Variants in MAST4 observed in about 807,000 individuals in gnomAD.
The protein encoded by MAST4 is microtubule associated serine/threonine kinase family member 4.
Under a neutral mutation model 162.7 loss-of-function variants are expected in MAST4, and 89 were observed. The ratio of observed to expected loss-of-function variants is 0.55; its 90% confidence interval spans 0.46 to 0.65. MAST4 has a LOEUF of 0.65. Among genes scored for constraint, MAST4 ranks in the 30% least tolerant of loss-of-function variants. MAST4 has a pLI of 0.00. For synonymous variants in MAST4, 1,479 were observed against 1,361.1 expected (o/e 1.09, Z -1.91); for missense variants, 3,153 against 3,374.0 (o/e 0.93, Z 1.62).
At position 66,596,999 on chromosome 5, in the gene MAST4, A is replaced by T; in HGVS notation, c.344A>T (p.Gln115Leu). Residue 115 changes from glutamine (Q) to leucine (L), a missense_variant, in exon 1 of 29, where the codon CAG becomes CTG. Transcript: ENST00000403625. ...PPAPRGSSAS[Q>L]EEQDEELDHI... is the part of the protein sequence containing the mutation. Reference sequence around the variant, plus strand: ...GCGCCCCGGGGCAGCAGCGCGTCCCAGGAGGAGCAGGACGAGGAGGTGGGC... The same window carrying T: ...GCGCCCCGGGGCAGCAGCGCGTCCCTGGAGGAGCAGGACGAGGAGGTGGGC... 6.9e-7 allele frequency: 1 copy of T among 1,449,054 alleles called. No homozygotes were observed. Among genetic ancestry groups the T allele is most frequent in the Non-Finnish European group, 9.0e-7 (1 of 1,107,108 alleles). The allele number at this position is 1,449,054 out of a possible 1,614,324, so 89.8% of individuals were successfully genotyped here.
intron 3 of MAST4, among the ~76,000 whole-genome samples, chr5:66,800,259 A>G (rs965424584): frequency 2.0e-5 from 3 of 152,204 alleles, no homozygotes; most frequent in African/African-American, 7.2e-5. Flanking sequence ...AGAGTTTAAG[A>G]GATGATGCCT....
At chr5:67,137,290 C>G (rs576566283) in intron 19 of MAST4, among the ~76,000 whole-genome samples, 1 of 152,268 alleles carries the variant, frequency 6.6e-6, no homozygotes, top group South Asian at 2.1e-4. Flanking sequence ...ACTGTTCTGC[C>G]AGTATTTTAT....
chr5:67,056,279 T>C (rs1343704412), intron 5 of MAST4, among the ~76,000 whole-genome samples: 1 of 152,076 alleles, frequency 6.6e-6, no homozygotes, highest in Non-Finnish European at 1.5e-5. Context: ...TTTGTGAGAT[T>C]GATATTACAC....
Position 67,095,688 on chromosome 5 carries a change from CTTTT to C in MAST4, c.912+25_912+28del, listed in dbSNP as rs751787327. ...CTCTACGGTCTCTGTAAGTGCCTGACTTTTTTTTTTTTTTTCTCTTCCTCACAAC... is the reference window on the plus strand; with the variant it reads ...CTCTACGGTCTCTGTAAGTGCCTGACTTTTTTTTTTTCTCTTCCTCACAAC... On this transcript the variant is annotated intron_variant, in intron 7 of 28. Transcript: ENST00000403625. 76 of 1,308,534 alleles carry C rather than the reference CTTTT, an allele frequency of 5.8e-5. No individual in the cohort carries two copies. Among genetic ancestry groups the C allele is most frequent in the South Asian group, 1.5e-4 (9 of 61,468 alleles). The allele number at this position is 1,308,534 out of a possible 1,614,324, so 81.1% of individuals were successfully genotyped here. A position where few individuals can be genotyped will look rare whatever the true frequency, so the allele number is the denominator to read the frequency against.
At position 66,788,798 on chromosome 5, in the gene MAST4, A is replaced by G; in HGVS notation, c.642+4A>G. Reference sequence around the variant, plus strand: ...GCCCTCGCTCACCGCCAGCCTGGTGAGTGTCCGCGGGCGCCGGTGGAGGCT... The same window carrying G: ...GCCCTCGCTCACCGCCAGCCTGGTGGGTGTCCGCGGGCGCCGGTGGAGGCT... On this transcript the variant is annotated splice_donor_region_variant and intron_variant, in intron 3 of 28. Coordinates refer to ENST00000403625, the MANE Select transcript of MAST4 (RefSeq NM_001164664.2). 6.4e-7 allele frequency: 1 copy of G among 1,565,900 alleles called. No homozygotes were observed. The highest frequency in any genetic ancestry group is 8.6e-7 in the Non-Finnish European group (1 of 1,158,002).
At chr5:67,043,971 C>A (rs1410426833) in intron 4 of MAST4, among the ~76,000 whole-genome samples, 1 of 152,234 alleles carries the variant, frequency 6.6e-6, no homozygotes, top group South Asian at 2.1e-4. Flanking sequence ...CTCCACCTTT[C>A]CCCCAACTTT....
rs1296335970 is a variant in MAST4 at position 67,000,747 on chromosome 5, T to TA, written c.675-53648dup. On this transcript the variant is annotated intron_variant, in intron 4 of 28. Transcript: ENST00000403625. ...TGGGCGACAAGAGTGAAACTCTGTC[T>TA]AAAAAAAAAGGGGGGGGGTGGCTTG... Among the ~76,000 whole-genome samples, 133 of 111,084 alleles carry TA rather than the reference T, an allele frequency of 1.2e-3. 2 individuals carry two copies. The highest frequency in any genetic ancestry group is 3.7e-3 in the African/African-American group (122 of 32,786). 72.9% of individuals were successfully genotyped at this position (111,084 alleles called of 152,430 possible).
chr5:67,141,003 A>G (rs989750526), intron 19 of MAST4, among the ~76,000 whole-genome samples: 1 of 152,172 alleles, frequency 6.6e-6, no homozygotes, highest in African/African-American at 2.4e-5. Context: ...CTGGGTTTAG[A>G]GCTAGGGCTG....
At chr5:66,756,209 G>A (rs1753528094) in intron 1 of MAST4, among the ~76,000 whole-genome samples, 1 of 152,176 alleles carries the variant, frequency 6.6e-6, no homozygotes, top group African/African-American at 2.4e-5. Flanking sequence ...AATTTTCTAT[G>A]GCTCTTGTTG....
At chr5:67,095,360 G>A (rs928297335) in intron 6 of MAST4, among the ~76,000 whole-genome samples, 1 of 152,102 alleles carries the variant, frequency 6.6e-6, no homozygotes, top group African/African-American at 2.4e-5. Flanking sequence ...ATATTAGTGA[G>A]ACATCAATAA....
intron 2 of MAST4, among the ~76,000 whole-genome samples, chr5:66,776,180 C>T (rs1754592455): frequency 6.6e-6 from 1 of 152,164 alleles, no homozygotes; most frequent in African/African-American, 2.4e-5. Flanking sequence ...ACCTCTATGG[C>T]AGCTTTTGTT....
chr5:67,125,966 C>T (rs190378602), intron 14 of MAST4, among the ~76,000 whole-genome samples: 1 of 152,270 alleles, frequency 6.6e-6, no homozygotes, highest in Admixed American at 6.5e-5. Flanking sequence ...GAGATGGTAT[C>T]TCATTGTGCT....
intron 1 of MAST4, among the ~76,000 whole-genome samples, chr5:66,743,859 T>C (rs899792677): frequency 6.6e-6 from 1 of 152,200 alleles, no homozygotes; most frequent in Non-Finnish European, 1.5e-5. Flanking sequence ...TTGCATATTA[T>C]GTATTGTTTT....
chr5:67,068,959 A>T (rs1248094141), intron 5 of MAST4, among the ~76,000 whole-genome samples: 1 of 151,778 alleles, frequency 6.6e-6, no homozygotes, highest in African/African-American at 2.4e-5. Context: ...TTGTAATAAA[A>T]ACCATGCATT....
intron 4 of MAST4, among the ~76,000 whole-genome samples, chr5:67,033,315 CTGTGTGTGTGTGTGTG>C (rs146627241): frequency 1.6e-5 from 2 of 125,992 alleles, no homozygotes; most frequent in Non-Finnish European, 3.2e-5. Context: ...TTTCATTTCT[CTGTGTGTGTGTGTGTG>C]TGTGTGTGTG....
chr5:67,126,877 A>C (rs1473035086), intron 14 of MAST4, among the ~76,000 whole-genome samples: 1 of 152,226 alleles, frequency 6.6e-6, no homozygotes, highest in Non-Finnish European at 1.5e-5. Context: ...ATCCATGAGC[A>C]TGGAATGTTT....
intron 5 of MAST4, among the ~76,000 whole-genome samples, chr5:67,077,993 G>T (rs1365920104): frequency 6.6e-6 from 1 of 152,112 alleles, no homozygotes; most frequent in African/African-American, 2.4e-5. Flanking sequence ...CAGCTACTAG[G>T]GAGGCTGAGG....
chr5:66,801,511 C>T (rs1034947596), intron 3 of MAST4, among the ~76,000 whole-genome samples: 1 of 152,192 alleles, frequency 6.6e-6, no homozygotes, highest in Non-Finnish European at 1.5e-5. Context: ...GTTTTCTAAA[C>T]CCCAGTTGAT....
At chr5:67,151,748 T>C (rs1286459487) in intron 24 of MAST4, among the ~76,000 whole-genome samples, 1 of 150,974 alleles carries the variant, frequency 6.6e-6, no homozygotes, top group Non-Finnish European at 1.5e-5. Flanking sequence ...TCTTTCCTTT[T>C]TTTTTTTCTT....
Sources: allele counts gnomAD v4.1 joint callset (sites outside exome capture counted in the v4.1 genomes callset), GRCh38; gene constraint gnomAD v4.1.1; transcripts MANE v1.5; gene names NCBI Gene and HGNC (gene_info 2026-07-23, HGNC 2026-07-21).